Variants in SNX29 observed in about 807,000 individuals in gnomAD.
The protein encoded by SNX29 is sorting nexin 29.
A neutral mutation model predicts 102.1 loss-of-function variants in SNX29; 78 were observed. That is an observed-to-expected ratio of 0.76 (90% CI 0.64 to 0.92). The LOEUF (loss-of-function observed/expected upper bound fraction) is 0.92. Ranked by LOEUF, SNX29 falls within the 40% of genes least tolerant of loss-of-function variation. SNX29 has a pLI of 0.00. For missense variants in SNX29, 1,280 were observed against 1,061.7 expected, an observed-to-expected ratio of 1.21 and a Z score of -2.86; for synonymous variants, 580 against 414.5, an observed-to-expected ratio of 1.40 and a Z score of -4.85.
At chr16:12,177,213 A>C (rs980046814) in intron 13 of SNX29, among the ~76,000 whole-genome samples, 1 of 152,082 alleles carries the variant, frequency 6.6e-6, no homozygotes, top group Middle Eastern at 3.4e-3. Context: ...CAGCCTCCCA[A>C]AGTGCTGGGA....
At chr16:12,056,041 C>T (rs1047500762) in intron 8 of SNX29, among the ~76,000 whole-genome samples, 20 of 151,976 alleles carry the variant, frequency 1.3e-4, no homozygotes, top group African/African-American at 4.8e-4. Context: ...GCCACTATAC[C>T]CGGCTAATTT....
chr16:12,113,915 G>A (rs2053589382), intron 11 of SNX29, among the ~76,000 whole-genome samples: 1 of 152,224 alleles, frequency 6.6e-6, no homozygotes, highest in East Asian at 1.9e-4. Context: ...AGAGCTAGAA[G>A]GATTCTAGAA....
At chr16:12,226,142 G>T (rs981392526) in intron 14 of SNX29, among the ~76,000 whole-genome samples, 1 of 152,144 alleles carries the variant, frequency 6.6e-6, no homozygotes, top group Non-Finnish European at 1.5e-5. Context: ...GGTCGTGTTC[G>T]ACATTCTGGA....
At position 12,356,205 on chromosome 16, in the gene SNX29, C is replaced by A; in HGVS notation, c.1825C>A (p.Leu609Met). 1 of 1,613,492 alleles carries A rather than the reference C, an allele frequency of 6.2e-7. No individual in the cohort carries two copies. The highest frequency in any genetic ancestry group is 8.5e-7 in the Non-Finnish European group (1 of 1,179,756). Reference protein sequence around the residue: ...HGELIEFNERLHRALVAKEAL... With the variant: ...HGELIEFNERMHRALVAKEAL... ...CGAGCTGATTGAGTTCAACGAGCGC[C>A]TGCACAGGGCCCTGGTAGCCAAGGA... The change falls in exon 16 of 21, where the codon CTG (leucine) becomes ATG (methionine). Residue 609 changes from leucine to methionine, a missense_variant. Physicochemically the swap from Leu to Met is conservative, Grantham distance 15. Transcript: ENST00000566228.
At chr16:12,274,915 T>C (rs71385200) in intron 14 of SNX29, among the ~76,000 whole-genome samples, 7,112 of 152,282 alleles carry the variant, frequency 0.047, 321 homozygotes, top group South Asian at 0.25. Flanking sequence ...CGTATTCTTA[T>C]TTCATGACTA....
chr16:12,326,045 A>G (rs2081105359), intron 15 of SNX29, among the ~76,000 whole-genome samples: 7 of 149,910 alleles, frequency 4.7e-5, no homozygotes, highest in Admixed American at 4.6e-4. Context: ...TTGTTTTTTG[A>G]GATGGAGCCT....
At chr16:12,200,293 A>G (rs1333188759) in intron 14 of SNX29, among the ~76,000 whole-genome samples, 1 of 152,172 alleles carries the variant, frequency 6.6e-6, no homozygotes, top group Non-Finnish European at 1.5e-5. Flanking sequence ...GATCTTGCCA[A>G]ATGAGGTGGG....
intron 11 of SNX29, among the ~76,000 whole-genome samples, chr16:12,114,033 C>T (rs902915753): frequency 2.6e-5 from 4 of 152,220 alleles, no homozygotes; most frequent in African/African-American, 7.2e-5. Context: ...TTGTCTGTTA[C>T]TTGCCGTGAC....
At chr16:12,085,382 A>G (rs2052119663) in intron 11 of SNX29, among the ~76,000 whole-genome samples, 1 of 152,298 alleles carries the variant, frequency 6.6e-6, no homozygotes, top group Non-Finnish European at 1.5e-5. Flanking sequence ...GCTGGAATGC[A>G]CTGGTGTAAT....
At chr16:12,086,698 C>A (rs544188577) in intron 11 of SNX29, 1 of 152,212 alleles carries the variant, frequency 6.6e-6, no homozygotes, top group African/African-American at 2.4e-5. Context: ...TACGACATGA[C>A]CTACTATGCC....
chr16:12,486,537 G>A (rs570566139), intron 19 of SNX29, among the ~76,000 whole-genome samples: 4 of 152,332 alleles, frequency 2.6e-5, no homozygotes, highest in African/African-American at 9.6e-5. Flanking sequence ...GGGCCATCTC[G>A]CTTGGCAGCG....
chr16:12,534,380 G>A (rs867491486), intron 20 of SNX29, among the ~76,000 whole-genome samples: 1 of 152,208 alleles, frequency 6.6e-6, no homozygotes, highest in African/African-American at 2.4e-5. Flanking sequence ...CACCTTCTCT[G>A]TGGCAGCTTC....
chr16:12,341,458 A>T lies in SNX29; in HGVS notation c.1783-14705A>T, dbSNP rs183812387. On this transcript the variant is annotated intron_variant, in intron 15 of 20. Transcript: ENST00000566228. ...AGGAAGATACAGGGTTGTCAAGTTG[A>T]CACATGTCAGAATAGGATTGGTTCT... is the stretch of plus-strand genomic sequence containing the variant. 2.0e-3 allele frequency among the ~76,000 whole-genome samples: 299 copies of T among 152,354 alleles called. 2 individuals are homozygous for T. The highest frequency in any genetic ancestry group is 6.8e-3 in the African/African-American group (284 of 41,586).
At chr16:12,162,160 TC>T (rs1283308315) in intron 13 of SNX29, among the ~76,000 whole-genome samples, 2 of 152,060 alleles carry the variant, frequency 1.3e-5, no homozygotes, top group African/African-American at 4.8e-5. Context: ...ACGTGATGGC[TC>T]CCTTCTTGAA....
chr16:12,153,140 A>G (rs368534302), intron 13 of SNX29, among the ~76,000 whole-genome samples: 15 of 152,334 alleles, frequency 9.8e-5, no homozygotes, highest in East Asian at 9.7e-4. Flanking sequence ...GCTCATGCCT[A>G]TAATCCCATT....
At chr16:12,065,668 T>C (rs1287833393) in intron 9 of SNX29, among the ~76,000 whole-genome samples, 1 of 152,200 alleles carries the variant, frequency 6.6e-6, no homozygotes, top group African/African-American at 2.4e-5. Flanking sequence ...TTTTACTGTT[T>C]TGGTTGTCAG....
intron 19 of SNX29, among the ~76,000 whole-genome samples, chr16:12,514,910 AAGAAAGAG>A (rs962313472): frequency 1.4e-5 from 2 of 145,372 alleles, no homozygotes; most frequent in African/African-American, 2.6e-5. Context: ...GGGAGAGAGA[AAGAAAGAG>A]AGAAAGAAAG....
chr16:12,130,358 C>A (rs1412356883), intron 13 of SNX29, among the ~76,000 whole-genome samples: 1 of 151,052 alleles, frequency 6.6e-6, no homozygotes, highest in East Asian at 2.0e-4. Context: ...GCCTGTAGTC[C>A]CAGCTACGCG....
At chr16:12,224,383 T>C (rs763815482) in intron 14 of SNX29, among the ~76,000 whole-genome samples, 16 of 152,152 alleles carry the variant, frequency 1.1e-4, no homozygotes, top group Non-Finnish European at 2.2e-4. Context: ...GATGCCATGA[T>C]GCAGACCTGA....
Sources: gnomAD v4.1 joint callset for allele counts (sites outside exome capture counted in the v4.1 genomes callset) on GRCh38, gnomAD v4.1.1 for gene constraint, MANE v1.5 for transcripts, NCBI Gene and HGNC (gene_info 2026-07-23, HGNC 2026-07-21) for gene names.